ACMSD: variants seen among roughly 807,000 people sequenced by gnomAD.
ACMSD encodes aminocarboxymuconate semialdehyde decarboxylase, also known as 2-amino-3-carboxymuconate-6-semialdehyde decarboxylase.
In ACMSD, 37 loss-of-function variants were observed where a neutral mutation model predicts 45.9. The observed-to-expected ratio is 0.81, with a 90% confidence interval of 0.62 to 1.06. The LOEUF (loss-of-function observed/expected upper bound fraction) is 1.06. Ranked by LOEUF, ACMSD falls within the 50% of genes least tolerant of loss-of-function variation. The probability of loss-of-function intolerance (pLI) is 0.00; values close to 1 mark genes in which losing one functional copy is unlikely to be tolerated. For synonymous variants in ACMSD, 138 were observed against 148.8 expected (o/e 0.93, Z 0.53); for missense variants, 434 against 420.9 (o/e 1.03, Z -0.27).
At chr2:134,878,794 G>T (rs1217894641) in intron 8 of ACMSD, among the ~76,000 whole-genome samples, 1 of 152,146 alleles carries the variant, frequency 6.6e-6, no homozygotes, top group African/African-American at 2.4e-5. Context: ...CCAAGCTGGT[G>T]GTGCTTCTAA....
intron 2 of ACMSD, among the ~76,000 whole-genome samples, chr2:134,850,114 A>G (rs1310451256): frequency 6.8e-6 from 1 of 146,682 alleles, no homozygotes; most frequent in Admixed American, 6.9e-5. Context: ...TCGAAGTACT[A>G]ACCCCCTTAA....
chr2:134,856,904 G>GT (rs1573635604), intron 2 of ACMSD, among the ~76,000 whole-genome samples: 4 of 110,126 alleles, frequency 3.6e-5, no homozygotes, highest in Middle Eastern at 0.011. Flanking sequence ...TGAAATGTAT[G>GT]GTTTTTTTTT....
chr2:134,849,716 A>T (rs1207567720), intron 2 of ACMSD, among the ~76,000 whole-genome samples: 3 of 152,238 alleles, frequency 2.0e-5, no homozygotes, highest in Non-Finnish European at 4.4e-5. Flanking sequence ...AGCCTTGCTC[A>T]GAAGTGAAAA....
chr2:134,883,838 C>T (rs1249560512), intron 8 of ACMSD, among the ~76,000 whole-genome samples: 2 of 152,178 alleles, frequency 1.3e-5, no homozygotes, highest in Non-Finnish European at 2.9e-5. Context: ...AGGCATCAAT[C>T]AACAGGAGAC....
At chr2:134,851,832 A>G (rs1687359264) in intron 2 of ACMSD, among the ~76,000 whole-genome samples, 1 of 152,112 alleles carries the variant, frequency 6.6e-6, no homozygotes, top group Non-Finnish European at 1.5e-5. Flanking sequence ...ATGGTATCTC[A>G]TTGTGGTTTT....
Position 134,847,439 on chromosome 2 carries a change from GATAGATAGATAT to G in ACMSD, c.102+2164_102+2175del, listed in dbSNP as rs1450972973. ...AGATAGATAGATAGATAGATAGATA[GATAGATAGATAT>G]AGATAGAGATAGAGATAGATATATA... On this transcript the variant is annotated intron_variant, in intron 2 of 9. Transcript: ENST00000356140. Among the ~76,000 whole-genome samples the G allele has an allele frequency of 4.3e-3, 629 of 144,610 alleles. 9 individuals carry two copies. In the East Asian group the frequency reaches 0.052, roughly 12 times the overall value. 94.9% of individuals were successfully genotyped at this position (144,610 alleles called of 152,430 possible). A position where few individuals can be genotyped will look rare whatever the true frequency, so the allele number is the denominator to read the frequency against.
In ACMSD at chr2:134,861,956, T is replaced by A; in HGVS notation, c.200-13T>A. On this transcript the variant is annotated splice_polypyrimidine_tract_variant and intron_variant, in intron 3 of 9. Coordinates refer to ENST00000356140, the MANE Select transcript of ACMSD (RefSeq NM_138326.3). ...TTCTCACCAGCTTTGCCCTTCTTTG[T>A]GTCCATGTCTAGGAGTAACAGTGCA... 6.2e-7 allele frequency: 1 copy of A among 1,614,156 alleles called. No individual in the cohort carries two copies. Among genetic ancestry groups the A allele is most frequent in the Non-Finnish European group, 8.5e-7 (1 of 1,179,998 alleles).
rs1158518481 is a variant in ACMSD at position 134,840,167 on chromosome 2, C to CAAAAAAAAAAAAAAAAAAAAAAAA, written c.57+1431_57+1454dup. On this transcript the variant is annotated intron_variant, in intron 1 of 9. Transcript: ENST00000356140. The stretch of plus-strand genomic sequence containing the variant: ...TAAAATAGCCATAAACTATACCTAG[C>CAAAAAAAAAAAAAAAAAAAAAAAA]AAAAAAAAAAAAAAAAAAAAAAAAA... Among the ~76,000 whole-genome samples the CAAAAAAAAAAAAAAAAAAAAAAAA allele has an allele frequency of 2.0e-3, 46 of 23,438 alleles. 6 individuals carry two copies. Among genetic ancestry groups the CAAAAAAAAAAAAAAAAAAAAAAAA allele is most frequent in the Admixed American group, 3.8e-3 (5 of 1,330 alleles). 15.4% of individuals were successfully genotyped at this position (23,438 alleles called of 152,430 possible). A position where few individuals can be genotyped will look rare whatever the true frequency, so the allele number is the denominator to read the frequency against.
chr2:134,842,939 A>G (rs1309468305), intron 1 of ACMSD, among the ~76,000 whole-genome samples: 2 of 152,200 alleles, frequency 1.3e-5, no homozygotes, highest in African/African-American at 4.8e-5. Flanking sequence ...TATGGGTTAC[A>G]GTTCCTTACA....
At chr2:134,872,339 C>A in intron 7 of ACMSD, 130 bp from the exon 8 acceptor site, 2 of 968,188 alleles carry the variant, frequency 2.1e-6, no homozygotes, top group Non-Finnish European at 3.0e-6. Context: ...TCCCAGCATT[C>A]AGAACACAAT....
intron 8 of ACMSD, among the ~76,000 whole-genome samples, chr2:134,880,735 C>T (rs564075980): frequency 8.5e-5 from 13 of 152,072 alleles, no homozygotes; most frequent in Admixed American, 5.2e-4. Context: ...TTTAAAGTCT[C>T]GGTCTTTCAT....
chr2:134,860,330 C>A (rs1189338497), intron 3 of ACMSD, among the ~76,000 whole-genome samples: 1 of 152,168 alleles, frequency 6.6e-6, no homozygotes, highest in African/African-American at 2.4e-5. Flanking sequence ...TATGCTTCAC[C>A]TGTGACTGCC....
intron 2 of ACMSD, among the ~76,000 whole-genome samples, chr2:134,847,449 T>TAG (rs200146419): frequency 6.6e-4 from 85 of 128,708 alleles, no homozygotes; most frequent in East Asian, 4.4e-3. Context: ...GATAGATAGA[T>TAG]ATAGATAGAG....
chr2:134,845,221 T>C lies in ACMSD; in HGVS notation c.58-12T>C. The stretch of plus-strand genomic sequence containing the variant: ...TGCTCTTTGACTCTAACTGTGCTTC[T>C]CCCCACTGCAGAGGTTTGGCTACGG... On this transcript the variant is annotated splice_polypyrimidine_tract_variant and intron_variant, in intron 1 of 9. Coordinates refer to ENST00000356140, the MANE Select transcript of ACMSD (RefSeq NM_138326.3). 6.2e-7 allele frequency: 1 copy of C among 1,614,120 alleles called. No individual in the cohort carries two copies. The highest frequency in any genetic ancestry group is 8.5e-7 in the Non-Finnish European group (1 of 1,179,992).
At chr2:134,887,900 A>G (rs1351202331) in intron 8 of ACMSD, among the ~76,000 whole-genome samples, 4 of 152,254 alleles carry the variant, frequency 2.6e-5, no homozygotes, top group African/African-American at 9.6e-5. Context: ...TAAACAAAAA[A>G]GCTAAAACAG....
intron 8 of ACMSD, among the ~76,000 whole-genome samples, chr2:134,886,404 A>C (rs1293735381): frequency 6.6e-6 from 1 of 151,456 alleles, no homozygotes; most frequent in Non-Finnish European, 1.5e-5. Context: ...GCCCGCCAAC[A>C]CGCCCGGCTA....
At chr2:134,856,957 A>C (rs1043248947) in intron 2 of ACMSD, among the ~76,000 whole-genome samples, 2 of 151,826 alleles carry the variant, frequency 1.3e-5, no homozygotes, top group African/African-American at 4.8e-5. Flanking sequence ...GGGGCATTTT[A>C]TTAAATCTAT....
intron 8 of ACMSD, among the ~76,000 whole-genome samples, chr2:134,874,605 C>T (rs924058116): frequency 6.6e-6 from 1 of 151,950 alleles, no homozygotes; most frequent in East Asian, 1.9e-4. Flanking sequence ...GAGTTGGAAA[C>T]AATTATTGCC....
chr2:134,880,491 C>G (rs1688978875), intron 8 of ACMSD, among the ~76,000 whole-genome samples: 1 of 152,028 alleles, frequency 6.6e-6, no homozygotes, highest in Admixed American at 6.6e-5. Context: ...CCTCTTTGAA[C>G]TTTCGTTTTA....
Sources: gnomAD v4.1 joint callset for allele counts (sites outside exome capture counted in the v4.1 genomes callset) on GRCh38, gnomAD v4.1.1 for gene constraint, MANE v1.5 for transcripts, NCBI Gene and HGNC (gene_info 2026-07-23, HGNC 2026-07-21) for gene names.